Variants in S100A8 observed in about 807,000 individuals in gnomAD.
The protein encoded by S100A8 is S100 calcium binding protein A8, also known as protein S100-A8.
Under a neutral mutation model 4.2 loss-of-function variants are expected in S100A8, and 1 was observed. The observed-to-expected ratio is 0.24, with a 90% CI of 0.08 to 1.12. S100A8 has a LOEUF of 1.12. S100A8 is among the 50% of genes most tolerant of loss of function. The pLI is 0.53. For missense variants in S100A8, 96 were observed against 111.8 expected, an observed-to-expected ratio of 0.86 and a Z score of 0.64; for synonymous variants, 41 against 44.7, an observed-to-expected ratio of 0.92 and a Z score of 0.33.
the S100A8 span, among the ~76,000 whole-genome samples, chr1:153,410,044 A>G: frequency 2.6e-5 from 4 of 152,258 alleles, no homozygotes; most frequent in African/African-American, 9.6e-5. Context: ...TCTAAAATTG[A>G]CACCCTAACA....
chr1:153,402,568 G>A, the S100A8 span, among the ~76,000 whole-genome samples: 2 of 152,178 alleles, frequency 1.3e-5, no homozygotes, highest in Admixed American at 1.3e-4. Context: ...GGCAGGCAGA[G>A]GACAAGCCAA....
At chr1:153,418,822 G>A in the S100A8 span, among the ~76,000 whole-genome samples, 1 of 152,310 alleles carries the variant, frequency 6.6e-6, no homozygotes, top group East Asian at 1.9e-4. Context: ...AACTAAGGTA[G>A]GCAGTGCCCT....
At chr1:153,408,177 C>T in the S100A8 span, among the ~76,000 whole-genome samples, 349 of 152,192 alleles carry the variant, frequency 2.3e-3, 3 homozygotes, top group African/African-American at 8.0e-3. Context: ...CAAACTTCTC[C>T]GAGCTAAAGG....
chr1:153,412,744 T>C, the S100A8 span, among the ~76,000 whole-genome samples: 2 of 152,074 alleles, frequency 1.3e-5, no homozygotes, highest in East Asian at 1.9e-4. Context: ...CAAATGTCCA[T>C]CAATGATAGA....
chr1:153,400,929 A>G, the S100A8 span, among the ~76,000 whole-genome samples: 1 of 152,248 alleles, frequency 6.6e-6, no homozygotes, highest in African/African-American at 2.4e-5. Context: ...CTGTTGGACA[A>G]TTGCTGGATA....
chr1:153,413,455 C>T, the S100A8 span, among the ~76,000 whole-genome samples: 2 of 152,328 alleles, frequency 1.3e-5, no homozygotes, highest in South Asian at 2.1e-4. Flanking sequence ...CCCTGCTCTG[C>T]ACCATTACTG....
chr1:153,409,367 A>G, the S100A8 span, among the ~76,000 whole-genome samples: 2 of 152,218 alleles, frequency 1.3e-5, no homozygotes, highest in African/African-American at 4.8e-5. Context: ...AACAAAGAAC[A>G]GACGCGACAA....
At chr1:153,416,977 C>T in the S100A8 span, among the ~76,000 whole-genome samples, 2 of 152,260 alleles carry the variant, frequency 1.3e-5, no homozygotes, top group Non-Finnish European at 2.9e-5. Context: ...TCTCCAAACC[C>T]CCAGGCCTTG....
the S100A8 span, among the ~76,000 whole-genome samples, chr1:153,406,306 G>T: frequency 6.6e-6 from 1 of 152,150 alleles, no homozygotes; most frequent in African/African-American, 2.4e-5. Context: ...CATATGTGTG[G>T]CCAGGGCTGT....
At chr1:153,416,609 C>T in the S100A8 span, 3 of 443,962 alleles carry the variant, frequency 6.8e-6, no homozygotes, top group Admixed American at 2.6e-5. Context: ...TGCCCAGTGC[C>T]CAGCCTGCCA....
the S100A8 span, chr1:153,421,678 G>A: frequency 8.5e-5 from 13 of 152,202 alleles, no homozygotes; most frequent in Non-Finnish European, 1.3e-4. Context: ...CAGGACTCAC[G>A]TACTGATCTC....
chr1:153,390,473 C>T lies in S100A8; in HGVS notation c.63G>A (p.Leu21=), dbSNP rs1254057771. The change falls in exon 2 of 3, where the codon CTG becomes CTA. Residue 21 remains leucine (L), a synonymous_variant. Coordinates refer to ENST00000368733, the MANE Select transcript of S100A8 (RefSeq NM_002964.5). ...AGACGGCATGGAAATTCCCCTTTAT[C>T]AGGGAGTACTTGTGGTAGACGTCGA... is the stretch of plus-strand genomic sequence containing the variant. ...SIIDVYHKYS[L]IKGNFHAVYR... The T allele has an allele frequency of 6.2e-7, 1 of 1,614,202 alleles. No individual in the cohort carries two copies. The highest frequency in any genetic ancestry group is 8.5e-7 in the Non-Finnish European group (1 of 1,180,034).
the S100A8 span, among the ~76,000 whole-genome samples, chr1:153,405,716 C>A: frequency 0.12 from 17,820 of 151,492 alleles, 351 homozygotes; most frequent in African/African-American, 0.15. Flanking sequence ...TTGTCCCCCA[C>A]CTCCTCAGGT....
At chr1:153,397,094 G>T in the S100A8 span, among the ~76,000 whole-genome samples, 3 of 152,238 alleles carry the variant, frequency 2.0e-5, no homozygotes, top group Non-Finnish European at 4.4e-5. Flanking sequence ...GCATCCACTG[G>T]CAGTAGCTGT....
chr1:153,401,594 C>T, the S100A8 span, among the ~76,000 whole-genome samples: 1 of 152,168 alleles, frequency 6.6e-6, no homozygotes, highest in African/African-American at 2.4e-5. Flanking sequence ...CCCGTGACAT[C>T]CAGAAGCCAG....
At chr1:153,400,567 G>A in the S100A8 span, among the ~76,000 whole-genome samples, 1 of 152,162 alleles carries the variant, frequency 6.6e-6, no homozygotes, top group East Asian at 1.9e-4. Context: ...AAAATCATAG[G>A]TAGATACCGA....
the S100A8 span, among the ~76,000 whole-genome samples, chr1:153,397,367 G>A: frequency 6.6e-6 from 1 of 152,248 alleles, no homozygotes; most frequent in Non-Finnish European, 1.5e-5. Flanking sequence ...ACCCCTGGGT[G>A]CTGGGCCCAC....
At chr1:153,412,296 A>C in the S100A8 span, among the ~76,000 whole-genome samples, 1 of 152,142 alleles carries the variant, frequency 6.6e-6, no homozygotes, top group Non-Finnish European at 1.5e-5. Context: ...AGAAAAAAAC[A>C]AACAACCCCA....
At chr1:153,411,341 C>A in the S100A8 span, among the ~76,000 whole-genome samples, 2 of 152,130 alleles carry the variant, frequency 1.3e-5, no homozygotes, top group African/African-American at 4.8e-5. Flanking sequence ...CAATAACAGA[C>A]AAACACAGAG....
Sources: gnomAD v4.1 joint callset for allele counts (sites outside exome capture counted in the v4.1 genomes callset) on GRCh38, gnomAD v4.1.1 for gene constraint, MANE v1.5 for transcripts, NCBI Gene and HGNC (gene_info 2026-07-23, HGNC 2026-07-21) for gene names.